The following ANO9 variants were observed in gnomAD, a reference collection of about 807,000 sequenced individuals.
ANO9 encodes the protein anoctamin-9.
ANO9 carries 80 observed loss-of-function variants against 100.5 expected under a neutral mutation model. That is an observed-to-expected ratio of 0.80 (90% confidence interval 0.66 to 0.96). The LOEUF is 0.96. Among genes scored for constraint, ANO9 ranks in the 40% least tolerant of loss-of-function variants. ANO9 has a pLI of 0.00. For missense variants in ANO9, 1,064 were observed against 1,072.7 expected, an observed-to-expected ratio of 0.99 and a Z score of 0.11; for synonymous variants, 473 against 435.6, an observed-to-expected ratio of 1.09 and a Z score of -1.07.
chr11:419,682 C>T lies in ANO9; in HGVS notation c.1834G>A (p.Ala612Thr). 1.2e-6 allele frequency: 2 copies of T among 1,610,858 alleles called. No homozygotes were observed. Among genetic ancestry groups the T allele is most frequent in the Non-Finnish European group, 1.7e-6 (2 of 1,179,408 alleles). The change falls in exon 20 of 23, where the codon GCC becomes ACC. Residue 612 changes from alanine (A) to threonine (T), a missense_variant. Physicochemically the swap from Ala to Thr is moderately conservative, Grantham distance 58. Transcript: ENST00000332826. The part of the protein sequence containing the change: ...LETIGVLAVI[A>T]NGMVIAFTSE... ...GTGAAGGCAATGACCATCCCATTGG[C>T]AATGACCGCCAGCACACCGATGGTC...
intron 9 of ANO9, 53 bp from the exon 10 acceptor site, chr11:429,871 G>T (rs1381504885): frequency 6.8e-7 from 1 of 1,470,558 alleles, no homozygotes; most frequent in Non-Finnish European, 9.3e-7. Context: ...GGGGAGGGGG[G>T]CAGGTGAGCC....
At position 428,348 on chromosome 11, in the gene ANO9, G is replaced by T. The variant is rs748584552; in HGVS notation, c.1222+10C>A. The T allele has an allele frequency of 3.1e-6, 5 of 1,612,346 alleles. No individual in the cohort carries two copies. The highest frequency in any genetic ancestry group is 4.2e-6 in the Non-Finnish European group (5 of 1,179,922). ...GGGTCCCCCAAGAGGGTCTGGGGTA[G>T]TCCTCTCACCGAAGTCACAAAGCTT... On this transcript the variant is annotated intron_variant, in intron 14 of 22. Coordinates refer to ENST00000332826, the MANE Select transcript of ANO9 (RefSeq NM_001012302.3).
intron 19 of ANO9, 154 bp downstream of exon 19, chr11:420,309 A>G: frequency 1.4e-6 from 2 of 1,454,462 alleles, no homozygotes; most frequent in Non-Finnish European, 1.8e-6. Context: ...CCCAGGCTCA[A>G]CCCGCATCCG....
rs773704312 is a variant in ANO9 at position 430,411 on chromosome 11, C to T, written c.540-8G>A. ...TTTTCCCCAAAGTAGTTCCTGCAGG[C>T]AGCAGGGGTCAAGGCCAGCTGTCAG... is the stretch of plus-strand genomic sequence containing the variant. On this transcript the variant is annotated splice_polypyrimidine_tract_variant and splice_region_variant and intron_variant, in intron 7 of 22. Coordinates refer to ENST00000332826, the MANE Select transcript of ANO9 (RefSeq NM_001012302.3). The T allele has an allele frequency of 6.7e-7, 1 of 1,497,380 alleles. No homozygotes were observed. The highest frequency in any genetic ancestry group is 9.0e-7 in the Non-Finnish European group (1 of 1,114,258). 92.8% of individuals were successfully genotyped at this position (1,497,380 alleles called of 1,614,324 possible). A position where few individuals can be genotyped will look rare whatever the true frequency, so the allele number is the denominator to read the frequency against.
At chr11:419,887 T>C (rs945135612) in intron 19 of ANO9, 158 bp from the exon 20 acceptor site, 6 of 1,441,994 alleles carry the variant, frequency 4.2e-6, no homozygotes, top group Non-Finnish European at 3.6e-6. Flanking sequence ...TCCCCAGCCA[T>C]GGCAGAGCAT....
Position 433,697 on chromosome 11 carries a change from A to G in ANO9, c.204+118T>C. The G allele has an allele frequency of 2.8e-6, 4 of 1,449,102 alleles. No homozygotes were observed. The South Asian group carries it at 5.7e-5, about 21-fold the overall frequency. 89.8% of individuals were successfully genotyped at this position (1,449,102 alleles called of 1,614,324 possible). Reference sequence around the variant, plus strand: ...TCCAAGCCTGGCCCTCCGTGCCGCCATGACCGGCCCCACAGCCCTGCCCCT... The same window carrying G: ...TCCAAGCCTGGCCCTCCGTGCCGCCGTGACCGGCCCCACAGCCCTGCCCCT... On this transcript the variant is annotated intron_variant, in intron 3 of 22. Coordinates refer to ENST00000332826, the MANE Select transcript of ANO9 (RefSeq NM_001012302.3).
At chr11:433,558 C>T (rs754311152) in intron 3 of ANO9, 99 bp from the exon 4 acceptor site, 12 of 1,475,906 alleles carry the variant, frequency 8.1e-6, no homozygotes, top group Admixed American at 7.0e-5. Context: ...AACCCTCCCC[C>T]CTCTATTCCG....
At chr11:438,486 C>G (rs1029864541) in intron 1 of ANO9, among the ~76,000 whole-genome samples, 1 of 150,600 alleles carries the variant, frequency 6.6e-6, no homozygotes, top group African/African-American at 2.4e-5. Flanking sequence ...CAGGTGTAGC[C>G]CCCCCAACAC....
intron 15 of ANO9, among the ~76,000 whole-genome samples, chr11:425,922 TG>T (rs78974527): frequency 0.8 from 120,772 of 151,628 alleles, 48,397 homozygotes; most frequent in East Asian, 1. Context: ...TTAGTAGAGA[TG>T]GGGTTTCACC....
In ANO9 at chr11:430,322, C is replaced by T. The variant is rs746089671; in HGVS notation, c.621G>A (p.Thr207=). 6.2e-6 allele frequency: 10 copies of T among 1,608,842 alleles called. No homozygotes were observed. Among genetic ancestry groups the T allele is most frequent in the South Asian group, 1.1e-5 (1 of 90,296 alleles). Reference sequence around the variant, plus strand: ...ATCCGCTCAGAAAGACTAAGAGGCCCGTCAGGGCGGCCGGCACCAGCATGT... The same window carrying T: ...ATCCGCTCAGAAAGACTAAGAGGCCTGTCAGGGCGGCCGGCACCAGCATGT... ...YTYMLVPAAL[T]GLLVFLSGFS... is the part of the protein sequence containing the mutation. The change falls in exon 8 of 23, where the codon ACG becomes ACA. Residue 207 remains threonine, a synonymous_variant. Coordinates refer to ENST00000332826, the MANE Select transcript of ANO9 (RefSeq NM_001012302.3).
chr11:423,633 A>G (rs1848322097), intron 15 of ANO9, among the ~76,000 whole-genome samples: 1 of 151,828 alleles, frequency 6.6e-6, no homozygotes, highest in Non-Finnish European at 1.5e-5. Context: ...TCAGCCTCCC[A>G]AGTAGCTAGG....
At chr11:441,815 C>T in intron 1 of ANO9, 106 bp downstream of exon 1, 2 of 1,496,320 alleles carry the variant, frequency 1.3e-6, no homozygotes, top group South Asian at 1.3e-5. Context: ...CCCACACACA[C>T]AGGCGCCTTC....
At chr11:441,034 C>T (rs889250234) in intron 1 of ANO9, among the ~76,000 whole-genome samples, 1 of 152,172 alleles carries the variant, frequency 6.6e-6, no homozygotes, top group Non-Finnish European at 1.5e-5. Context: ...CAGAGGGGAC[C>T]CTGAGCTCAG....
Position 428,569 on chromosome 11 carries a change from C to A in ANO9, c.1091G>T (p.Ser364Ile). 6.2e-7 allele frequency: 1 copy of A among 1,612,688 alleles called. No homozygotes were observed. Among genetic ancestry groups the A allele is most frequent in the Non-Finnish European group, 8.5e-7 (1 of 1,179,924 alleles). ...YRVLASALFS[S>I]SAVPFLEEQV... ...CTCCTCCAGGAAGGGCACGGCCGAG[C>A]TGCTGAAGAGCGCGGAGGCCAGGAC... The change falls in exon 13 of 23, where the codon AGC (serine) becomes ATC (isoleucine). Residue 364 changes from serine to isoleucine, a missense_variant. Physicochemically the swap from Ser to Ile is moderately radical, Grantham distance 142. Transcript: ENST00000332826.
intron 11 of ANO9, 185 bp downstream of exon 11, chr11:429,385 G>A (rs1408939623): frequency 2.4e-5 from 33 of 1,393,282 alleles, no homozygotes; most frequent in African/African-American, 1.2e-4. Context: ...CACCCCACAC[G>A]TGGGGAGACA....
chr11:429,154 C>T (rs1408269645), intron 11 of ANO9, among the ~76,000 whole-genome samples: 5 of 133,304 alleles, frequency 3.8e-5, no homozygotes, highest in African/African-American at 1.2e-4. Context: ...GGGACACTCA[C>T]CCCACACGTG....
intron 4 of ANO9, chr11:433,108 G>A (rs1344211344): frequency 3.1e-6 from 2 of 642,448 alleles, no homozygotes; most frequent in African/African-American, 1.9e-5. Flanking sequence ...TCTGAGCGTT[G>A]AGAACCACCG....
rs780639477 is a variant in ANO9 at position 418,410 on chromosome 11, G to A, written c.2310C>T (p.Thr770=). The A allele has an allele frequency of 1.2e-6, 2 of 1,612,332 alleles. No individual in the cohort carries two copies. The highest frequency in any genetic ancestry group is 1.3e-5 in the African/African-American group (1 of 75,004). Residue 770 remains threonine (T), a synonymous_variant, in exon 23 of 23, where the codon ACC becomes ACT. Coordinates refer to ENST00000332826, the MANE Select transcript of ANO9 (RefSeq NM_001012302.3). ...TCCTGGCACTGAAGATGGATGCTGG[G>A]GTGGGATGGGCAGGCATTGGGGGCC... The part of the protein sequence containing the change: ...GSRPPMPAHP[T]PASIFSARST...
In ANO9 at chr11:421,759, T is replaced by C. The variant is rs1848213167; in HGVS notation, c.1335-561A>G. Among the ~76,000 whole-genome samples, 1 of 152,232 alleles carries C rather than the reference T, an allele frequency of 6.6e-6. No individual in the cohort carries two copies. The highest frequency in any genetic ancestry group is 2.4e-5 in the African/African-American group (1 of 41,460). ...GTGGAAACGGCACGATGGGTTATTTTGTGTTTAAAATCACCTGCTTTCCAT... is the reference window on the plus strand; with the variant it reads ...GTGGAAACGGCACGATGGGTTATTTCGTGTTTAAAATCACCTGCTTTCCAT... On this transcript the variant is annotated intron_variant, in intron 15 of 22. Transcript: ENST00000332826. The surrounding 1 kb of genome is among the most constrained non-coding windows in gnomAD (Gnocchi z 6.8).
Sources: gnomAD v4.1 joint callset for allele counts (sites outside exome capture counted in the v4.1 genomes callset) on GRCh38, gnomAD v4.1.1 for gene constraint, Gnocchi (gnomAD v3.1) non-coding constraint, MANE v1.5 for transcripts, NCBI Gene and HGNC (gene_info 2026-07-23, HGNC 2026-07-21) for gene names.